The following C2orf49 variants were observed in gnomAD, a reference collection of about 807,000 sequenced individuals.
C2orf49 encodes tRNA splicing ligase complex subunit 2, also known as tRNA-splicing ligase complex subunit ASW.
A neutral mutation model predicts 20.6 loss-of-function variants in C2orf49; 11 were observed. The ratio of observed to expected loss-of-function variants is 0.53; its 90% CI spans 0.34 to 0.88. The LOEUF is 0.88. Ranked by LOEUF, C2orf49 falls within the 40% of genes least tolerant of loss-of-function variation. The probability of loss-of-function intolerance (pLI) is 0.02; values close to 1 mark genes in which losing one functional copy is unlikely to be tolerated. For missense variants in C2orf49, 289 were observed against 274.2 expected (o/e 1.05, Z -0.38); for synonymous variants, 134 against 108.5 (o/e 1.24, Z -1.46).
the C2orf49 span, among the ~76,000 whole-genome samples, chr2:105,364,947 C>G: frequency 2.2e-4 from 34 of 152,078 alleles, no homozygotes; most frequent in Non-Finnish European, 4.0e-4. Flanking sequence ...TTAGTATAAC[C>G]CACCCCACTG....
chr2:105,340,204 A>C (rs1173414600), intron 2 of C2orf49, among the ~76,000 whole-genome samples: 1 of 152,256 alleles, frequency 6.6e-6, no homozygotes, highest in Non-Finnish European at 1.5e-5. Flanking sequence ...TACTGGGGGC[A>C]AACGGGAGAG....
chr2:105,366,286 T>C, the C2orf49 span, among the ~76,000 whole-genome samples: 1 of 151,560 alleles, frequency 6.6e-6, no homozygotes, highest in Admixed American at 6.6e-5. Context: ...TTAGAAAAGG[T>C]GTGGGCAAGG....
At chr2:105,366,508 C>T in the C2orf49 span, among the ~76,000 whole-genome samples, 4 of 152,172 alleles carry the variant, frequency 2.6e-5, no homozygotes, top group Admixed American at 1.3e-4. Flanking sequence ...TGCCACTCAA[C>T]AGGCTGATGC....
chr2:105,351,312 CG>C (rs781638465), downstream of C2orf49, among the ~76,000 whole-genome samples: 31 of 84,196 alleles, frequency 3.7e-4, no homozygotes, highest in Middle Eastern at 5.7e-3. Flanking sequence ...TTGCCCACCG[CG>C]CCCCCCCCCC....
chr2:105,367,965 C>T, the C2orf49 span, among the ~76,000 whole-genome samples: 3 of 152,188 alleles, frequency 2.0e-5, no homozygotes, highest in Non-Finnish European at 4.4e-5. Flanking sequence ...AACACGTGTA[C>T]ATTTTAGGCA....
the C2orf49 span, among the ~76,000 whole-genome samples, chr2:105,362,688 T>C: frequency 3.3e-5 from 5 of 152,246 alleles, no homozygotes; most frequent in African/African-American, 1.2e-4. Context: ...AGGACTTTAG[T>C]GTGAACTCCT....
In C2orf49 at chr2:105,346,550, A is replaced by G. The variant is rs973894674; in HGVS notation, c.*1179A>G. ...CATGTTAGAGGTGGTATTCGATGGAAGAAAGTTTAGAGAGTTAGGAGTGGG... is the reference window on the plus strand; with the variant it reads ...CATGTTAGAGGTGGTATTCGATGGAGGAAAGTTTAGAGAGTTAGGAGTGGG... On this transcript the variant is annotated 3_prime_UTR_variant, in exon 4 of 4. Coordinates refer to ENST00000258457, the MANE Select transcript of C2orf49 (RefSeq NM_024093.3). 6.6e-6 allele frequency: 1 copy of G among 152,232 alleles called. No homozygotes were observed. Among genetic ancestry groups the G allele is most frequent in the African/African-American group, 2.4e-5 (1 of 41,458 alleles). The allele number at this position is 152,232 out of a possible 1,614,324, so 9.4% of individuals were successfully genotyped here. A position where few individuals can be genotyped will look rare whatever the true frequency, so the allele number is the denominator to read the frequency against.
chr2:105,377,981 C>T, the C2orf49 span: 1 of 447,068 alleles, frequency 2.2e-6, no homozygotes, highest in South Asian at 1.7e-5. Flanking sequence ...AGAAAATTTG[C>T]CTTTTGGGAC....
the C2orf49 span, chr2:105,359,177 T>A: frequency 1.3e-4 from 20 of 150,840 alleles, no homozygotes. Context: ...ATTGGAGCTA[T>A]TTACTAGAAG....
At position 105,345,401 on chromosome 2, in the gene C2orf49, G is replaced by C. The variant is rs750136517; in HGVS notation, c.*30G>C. 2.8e-5 allele frequency: 42 copies of C among 1,511,476 alleles called. No homozygotes were observed. The highest frequency in any genetic ancestry group is 3.7e-5 in the Non-Finnish European group (40 of 1,093,484). The allele number at this position is 1,511,476 out of a possible 1,614,324, so 93.6% of individuals were successfully genotyped here. ...AAGTTTCCAAAAATGTAAATATACT[G>C]TAACTGTAGTTTTTCAAATATGTTC... On this transcript the variant is annotated 3_prime_UTR_variant, in exon 4 of 4. Transcript: ENST00000258457.
chr2:105,338,081 A>G (rs112470687), intron 1 of C2orf49, among the ~76,000 whole-genome samples: 91 of 152,294 alleles, frequency 6.0e-4, no homozygotes, highest in African/African-American at 1.8e-3. Flanking sequence ...CACACCTTCT[A>G]ATCGTTTAAA....
chr2:105,342,887 C>G lies in C2orf49; in HGVS notation c.306C>G (p.Ile102Met), dbSNP rs375315911. Residue 102 changes from isoleucine to methionine, a missense_variant, in exon 3 of 4, where the codon ATC becomes ATG. Physicochemically the swap from Ile to Met is conservative, Grantham distance 10 (BLOSUM62 1). Coordinates refer to ENST00000258457, the MANE Select transcript of C2orf49 (RefSeq NM_024093.3). Reference protein sequence around the residue: ...TVDGLRKRPLIVFDGSSTSTS... With the variant: ...TVDGLRKRPLMVFDGSSTSTS... Reference sequence around the variant, plus strand: ...ATGGGTTAAGGAAAAGACCCCTCATCGTATTTGATGGAAGTTCAACAAGTA... The same window carrying G: ...ATGGGTTAAGGAAAAGACCCCTCATGGTATTTGATGGAAGTTCAACAAGTA... The G allele has an allele frequency of 1.9e-6, 3 of 1,613,996 alleles. No individual in the cohort carries two copies. The highest frequency in any genetic ancestry group is 1.1e-5 in the South Asian group (1 of 91,080).
chr2:105,368,349 C>T, the C2orf49 span, among the ~76,000 whole-genome samples: 20 of 151,316 alleles, frequency 1.3e-4, no homozygotes, highest in South Asian at 3.1e-3. Context: ...TTTTTGTTTT[C>T]GAGACAGGGT....
the C2orf49 span, among the ~76,000 whole-genome samples, chr2:105,363,631 C>G: frequency 6.6e-6 from 1 of 152,258 alleles, no homozygotes; most frequent in East Asian, 1.9e-4. Flanking sequence ...ACTCGTCACC[C>G]TCACCACACG....
the C2orf49 span, among the ~76,000 whole-genome samples, chr2:105,382,419 GTCT>G: frequency 6.6e-6 from 1 of 152,202 alleles, no homozygotes; most frequent in African/African-American, 2.4e-5. Flanking sequence ...GACCCTCCGG[GTCT>G]GGGCTCAAAT....
the C2orf49 span, among the ~76,000 whole-genome samples, chr2:105,377,133 T>TCCCA: frequency 3.3e-5 from 5 of 152,254 alleles, no homozygotes; most frequent in Non-Finnish European, 7.4e-5. Context: ...TATACATAAC[T>TCCCA]CCCACATGCT....
chr2:105,369,002 C>T, the C2orf49 span, among the ~76,000 whole-genome samples: 2 of 152,110 alleles, frequency 1.3e-5, no homozygotes, highest in African/African-American at 4.8e-5. Flanking sequence ...GCTAGACGGC[C>T]GAGTAGTGTG....
chr2:105,341,964 G>C (rs745326609), intron 2 of C2orf49, among the ~76,000 whole-genome samples: 2 of 152,200 alleles, frequency 1.3e-5, no homozygotes, highest in Non-Finnish European at 2.9e-5. Context: ...CCTGAGGTCA[G>C]GAGTTCAAGA....
chr2:105,345,409 A>T lies in C2orf49; in HGVS notation c.*38A>T. 1 of 1,458,850 alleles carries T rather than the reference A, an allele frequency of 6.9e-7. No homozygotes were observed. The highest frequency in any genetic ancestry group is 2.3e-5 in the East Asian group (1 of 43,976). 90.4% of individuals were successfully genotyped at this position (1,458,850 alleles called of 1,614,324 possible). On this transcript the variant is annotated 3_prime_UTR_variant, in exon 4 of 4. Coordinates refer to ENST00000258457, the MANE Select transcript of C2orf49 (RefSeq NM_024093.3). ...AAAAATGTAAATATACTGTAACTGT[A>T]GTTTTTCAAATATGTTCATATATAT... is the stretch of plus-strand genomic sequence containing the variant.
Sources: gnomAD v4.1 joint callset for allele counts (sites outside exome capture counted in the v4.1 genomes callset) on GRCh38, gnomAD v4.1.1 for gene constraint, MANE v1.5 for transcripts, NCBI Gene and HGNC (gene_info 2026-07-23, HGNC 2026-07-21) for gene names.